Variants in CLIC1 observed in about 807,000 individuals in gnomAD.
The protein encoded by CLIC1 is CLIC family member 1.
Under a neutral mutation model 26.4 loss-of-function variants are expected in CLIC1, and 16 were observed. The observed-to-expected ratio is 0.61, with a 90% CI of 0.41 to 0.92. The LOEUF (loss-of-function observed/expected upper bound fraction) is 0.92, where lower values mean the gene tolerates loss of function less well. Ranked by LOEUF, CLIC1 falls within the 40% of genes least tolerant of loss-of-function variation. CLIC1 has a pLI of 0.00. For synonymous variants in CLIC1, 98 were observed against 120.8 expected (o/e 0.81, Z 1.24); for missense variants, 225 against 289.7 (o/e 0.78, Z 1.62).
rs1441537007 is a variant in CLIC1 at position 31,734,890 on chromosome 6, C to G, written c.40-627G>C. Among the ~76,000 whole-genome samples, 1 of 151,980 alleles carries G rather than the reference C, an allele frequency of 6.6e-6. No individual in the cohort carries two copies. The highest frequency in any genetic ancestry group is 1.5e-5 in the Non-Finnish European group (1 of 67,984). On this transcript the variant is annotated intron_variant, in intron 1 of 5. Transcript: ENST00000375784. This position sits in a 1 kb window ranked among gnomAD's most constrained non-coding sequence, Gnocchi z 5.3. ...CCTGTCAAGGATGTGGGGGAAGGGA[C>G]AGTGAGGATGAGGCCTGGGCAGCTA...
chr6:31,735,871 C>T (rs1405041754), intron 1 of CLIC1, among the ~76,000 whole-genome samples: 1 of 150,252 alleles, frequency 6.7e-6, no homozygotes, highest in Admixed American at 6.6e-5. Flanking sequence ...GCACTACTCA[C>T]CCTCAGATCT....
upstream of CLIC1, chr6:31,736,611 G>C: frequency 7.9e-7 from 1 of 1,262,910 alleles, no homozygotes; most frequent in African/African-American, 1.5e-5. This position sits in a 1 kb window ranked among gnomAD's most constrained non-coding sequence, Gnocchi z 5.0. Flanking sequence ...TGTAGGGAGT[G>C]AGTCCGGAAG....
rs756371784 is a variant in CLIC1 at position 31,732,207 on chromosome 6, A to G, written c.564+10T>C. The G allele has an allele frequency of 1.1e-5, 16 of 1,436,444 alleles. No homozygotes were observed. In the South Asian group the frequency reaches 1.6e-4, roughly 14 times the overall value. 89.0% of individuals were successfully genotyped at this position (1,436,444 alleles called of 1,614,324 possible). ...AGTGGTCATCCTCTCCTCCCGCAAT[A>G]ACCACACACCTGTACTATGTGTAAC... On this transcript the variant is annotated intron_variant, in intron 5 of 5. Transcript: ENST00000375784. This position sits in a 1 kb window ranked among gnomAD's most constrained non-coding sequence, Gnocchi z 5.0.
In CLIC1 at chr6:31,734,341, C is replaced by T. The variant is rs1235181719; in HGVS notation, c.40-78G>A. The stretch of plus-strand genomic sequence containing the variant: ...AGGCCAGTCCCTGCATTCCCACTCC[C>T]AGACCAGCTGTTTTCTGCCTAGTCA... On this transcript the variant is annotated intron_variant, in intron 1 of 5. Coordinates refer to ENST00000375784, the Ensembl canonical transcript of CLIC1. This position sits in a 1 kb window ranked among gnomAD's most constrained non-coding sequence, Gnocchi z 5.3. The T allele has an allele frequency of 9.3e-7, 1 of 1,075,560 alleles. No homozygotes were observed. The highest frequency in any genetic ancestry group is 1.4e-6 in the Non-Finnish European group (1 of 712,390). The allele number at this position is 1,075,560 out of a possible 1,614,324, so 66.6% of individuals were successfully genotyped here.
rs769084657 is a variant in CLIC1, at chr6:31,736,252, G to C, written c.39+10C>G. ...GGAATTTGGGTGGCTGAGGAGAGAAGTGTTCTTACCTTCACGAACAATTCG... is the reference window on the plus strand; with the variant it reads ...GGAATTTGGGTGGCTGAGGAGAGAACTGTTCTTACCTTCACGAACAATTCG... On this transcript the variant is annotated intron_variant, in intron 1 of 5. Transcript: ENST00000375784. The surrounding 1 kb of genome is among the most constrained non-coding windows in gnomAD (Gnocchi z 5.0). 2 of 1,612,802 alleles carry C rather than the reference G, an allele frequency of 1.2e-6. No individual in the cohort carries two copies. The highest frequency in any genetic ancestry group is 1.7e-6 in the Non-Finnish European group (2 of 1,179,864).
chr6:31,736,575 G>T (rs1808348888), upstream of CLIC1: 45 of 1,338,944 alleles, frequency 3.4e-5, 1 homozygote, highest in South Asian at 4.9e-4. This position sits in a 1 kb window ranked among gnomAD's most constrained non-coding sequence, Gnocchi z 5.0. Flanking sequence ...CTGGGGAGGG[G>T]ACTGGAGGGG....
At position 31,734,719 on chromosome 6, in the gene CLIC1, T is replaced by C. The variant is rs1808216212; in HGVS notation, c.40-456A>G. Among the ~76,000 whole-genome samples, 1 of 152,074 alleles carries C rather than the reference T, an allele frequency of 6.6e-6. No homozygotes were observed. Among genetic ancestry groups the C allele is most frequent in the African/African-American group, 2.4e-5 (1 of 41,406 alleles). On this transcript the variant is annotated intron_variant, in intron 1 of 5. Coordinates refer to ENST00000375784, the Ensembl canonical transcript of CLIC1. This position sits in a 1 kb window ranked among gnomAD's most constrained non-coding sequence, Gnocchi z 5.3. ...AGGTGTCTTTGGGTGGGGAGTCTAG[T>C]CAAGGGGCCCTGGGCCTCGCGCTAG...
rs1475808623 is a variant in CLIC1 at position 31,736,224 on chromosome 6, C to G, written c.39+38G>C. ...CCGGGGGAAAGGTGAGAGTTGGCTT[C>G]CAGGAATTTGGGTGGCTGAGGAGAG... is the stretch of plus-strand genomic sequence containing the variant. On this transcript the variant is annotated intron_variant, in intron 1 of 5. Transcript: ENST00000375784. This position sits in a 1 kb window ranked among gnomAD's most constrained non-coding sequence, Gnocchi z 5.0. 6.2e-7 allele frequency: 1 copy of G among 1,610,152 alleles called. No homozygotes were observed. Among genetic ancestry groups the G allele is most frequent in the Non-Finnish European group, 8.5e-7 (1 of 1,177,738 alleles).
chr6:31,732,516 G>T lies in CLIC1; in HGVS notation c.383-118C>A. On this transcript the variant is annotated intron_variant, in intron 4 of 5. Transcript: ENST00000375784. This position sits in a 1 kb window ranked among gnomAD's most constrained non-coding sequence, Gnocchi z 5.0. ...AATAATAATAGCTAACACTCATGTA[G>T]TTACTTTTCTATGTGTTATTCTAAG... is the stretch of plus-strand genomic sequence containing the variant. The T allele has an allele frequency of 1.7e-6, 1 of 585,754 alleles. No homozygotes were observed. Among genetic ancestry groups the T allele is most frequent in the Non-Finnish European group, 2.7e-6 (1 of 368,442 alleles). 36.3% of individuals were successfully genotyped at this position (585,754 alleles called of 1,614,324 possible).
intron 1 of CLIC1, among the ~76,000 whole-genome samples, chr6:31,735,807 C>CCACA (rs9281564): frequency 0.32 from 39,555 of 124,658 alleles, 6,597 homozygotes; most frequent in Non-Finnish European, 0.39. Flanking sequence ...GCGTCTCCAT[C>CCACA]CACACACACA....
chr6:31,733,197 G>A lies in CLIC1; in HGVS notation c.382+369C>T, dbSNP rs947955641. Among the ~76,000 whole-genome samples, 1 of 152,092 alleles carries A rather than the reference G, an allele frequency of 6.6e-6. No homozygotes were observed. The highest frequency in any genetic ancestry group is 2.4e-5 in the African/African-American group (1 of 41,400). ...TCCTAATTTTGTGGATCTGGAAATG[G>A]ACTTACAGAGAGGTGAAATGATTGC... On this transcript the variant is annotated intron_variant, in intron 4 of 5. Transcript: ENST00000375784. This position sits in a 1 kb window ranked among gnomAD's most constrained non-coding sequence, Gnocchi z 5.4.
chr6:31,732,276 C>A lies in CLIC1; in HGVS notation c.505G>T (p.Asp169Tyr). ...TCAGCCAGGGTGAGCTCGTTGCCAT[C>A]CAAAAACTTCCTCTGAGAGACACCT... The change falls in exon 5 of 6, where the codon GAT (aspartate) becomes TAT (tyrosine). Residue 169 changes from aspartate (D) to tyrosine (Y), a missense_variant. Transcript: ENST00000375784. This position sits in a 1 kb window ranked among gnomAD's most constrained non-coding sequence, Gnocchi z 5.0. The A allele has an allele frequency of 6.3e-7, 1 of 1,598,110 alleles. No individual in the cohort carries two copies. Among genetic ancestry groups the A allele is most frequent in the Non-Finnish European group, 8.5e-7 (1 of 1,172,854 alleles).
Position 31,732,813 on chromosome 6 carries a change from C to T in CLIC1, c.383-415G>A, listed in dbSNP as rs1225434407. 6.6e-6 allele frequency among the ~76,000 whole-genome samples: 1 copy of T among 151,164 alleles called. No homozygotes were observed. The highest frequency in any genetic ancestry group is 2.0e-4 in the East Asian group (1 of 4,946). ...TAGCCTCGGCCTCCCAAAGTGAACA[C>T]TTTACATTTTACAAACTCATTTATA... is the stretch of plus-strand genomic sequence containing the variant. On this transcript the variant is annotated intron_variant, in intron 4 of 5. Transcript: ENST00000375784. The surrounding 1 kb of genome is among the most constrained non-coding windows in gnomAD (Gnocchi z 5.0).
Position 31,732,277 on chromosome 6 carries a change from C to G in CLIC1, c.504G>C (p.Leu168Phe), listed in dbSNP as rs1562195486. ...CAGCCAGGGTGAGCTCGTTGCCATC[C>G]AAAAACTTCCTCTGAGAGACACCTT... is the stretch of plus-strand genomic sequence containing the variant. The change falls in exon 5 of 6, where the codon TTG (leucine) becomes TTC (phenylalanine). Residue 168 changes from leucine to phenylalanine, a missense_variant. By Grantham distance (22) the Leu-to-Phe change is conservative. Coordinates refer to ENST00000375784, the Ensembl canonical transcript of CLIC1. The surrounding 1 kb of genome is among the most constrained non-coding windows in gnomAD (Gnocchi z 5.0). The G allele has an allele frequency of 6.3e-7, 1 of 1,598,254 alleles. No individual in the cohort carries two copies. Among genetic ancestry groups the G allele is most frequent in the South Asian group, 1.1e-5 (1 of 87,888 alleles).
intron 5 of CLIC1, among the ~76,000 whole-genome samples, chr6:31,731,953 C>T (rs1807990564): frequency 1.3e-5 from 2 of 152,168 alleles, no homozygotes; most frequent in Non-Finnish European, 2.9e-5. Context: ...GAGCATTCTT[C>T]AAAAGTAATA....
Position 31,732,174 on chromosome 6 carries a change from G to A in CLIC1, c.564+43C>T. 2.2e-6 allele frequency: 3 copies of A among 1,368,936 alleles called. No homozygotes were observed. The highest frequency in any genetic ancestry group is 2.9e-6 in the Non-Finnish European group (3 of 1,046,428). 84.8% of individuals were successfully genotyped at this position (1,368,936 alleles called of 1,614,324 possible). A position where few individuals can be genotyped will look rare whatever the true frequency, so the allele number is the denominator to read the frequency against. On this transcript the variant is annotated intron_variant, in intron 5 of 5. Coordinates refer to ENST00000375784, the Ensembl canonical transcript of CLIC1. This position sits in a 1 kb window ranked among gnomAD's most constrained non-coding sequence, Gnocchi z 5.0. ...AGCCCATGTGGGAGCTCCTTAAAGG[G>A]CCACTCCAGTGGTCATCCTCTCCTC...
At chr6:31,731,358 A>G (rs1413726380) in intron 5 of CLIC1, among the ~76,000 whole-genome samples, 1 of 151,462 alleles carries the variant, frequency 6.6e-6, no homozygotes, top group Non-Finnish European at 1.5e-5. Flanking sequence ...CTGGAGTGCA[A>G]TGGCGCGATC....
At position 31,736,457 on chromosome 6, in the gene CLIC1, T is replaced by C. The variant is rs1324280743; in HGVS notation, c.-157A>G. The C allele has an allele frequency of 7.0e-7, 1 of 1,434,762 alleles. No individual in the cohort carries two copies. Among genetic ancestry groups the C allele is most frequent in the African/African-American group, 1.4e-5 (1 of 70,192 alleles). 88.9% of individuals were successfully genotyped at this position (1,434,762 alleles called of 1,614,324 possible). On this transcript the variant is annotated 5_prime_UTR_variant, in exon 1 of 6. Transcript: ENST00000375784. The surrounding 1 kb of genome is among the most constrained non-coding windows in gnomAD (Gnocchi z 5.0). ...CAATCAGACCTACTTGCACCCAAAC[T>C]AGGCCTCCCCACCAGCCCAACGCAC...
chr6:31,732,077 G>A lies in CLIC1; in HGVS notation c.564+140C>T, dbSNP rs1808000566. On this transcript the variant is annotated intron_variant, in intron 5 of 5. Transcript: ENST00000375784. The surrounding 1 kb of genome is among the most constrained non-coding windows in gnomAD (Gnocchi z 5.0). ...TGACTGCTGCAAAGGACTGGGGTGG[G>A]GTCTGCCATTGGTAGCAATTTATGA... 9.3e-6 allele frequency: 5 copies of A among 536,850 alleles called. No individual in the cohort carries two copies. The highest frequency in any genetic ancestry group is 7.0e-4 in the Middle Eastern group (2 of 2,868). The allele number at this position is 536,850 out of a possible 1,614,324, so 33.3% of individuals were successfully genotyped here. A position where few individuals can be genotyped will look rare whatever the true frequency, so the allele number is the denominator to read the frequency against.
Sources: allele counts gnomAD v4.1 joint callset (sites outside exome capture counted in the v4.1 genomes callset), GRCh38; gene constraint gnomAD v4.1.1; non-coding constraint Gnocchi (gnomAD v3.1); transcripts MANE v1.5; gene names NCBI Gene and HGNC (gene_info 2026-07-23, HGNC 2026-07-21).